MTRF1: variants seen among roughly 807,000 people sequenced by gnomAD.
MTRF1 encodes the protein mitochondrial translation release factor 1, also known as peptide chain release factor 1, mitochondrial.
Under a neutral mutation model 62.9 loss-of-function variants are expected in MTRF1, and 51 were observed. The observed-to-expected ratio is 0.81, with a 90% CI of 0.65 to 1.02. The LOEUF (loss-of-function observed/expected upper bound fraction) is 1.02. MTRF1 is among the 50% of genes least tolerant of loss of function. The probability of loss-of-function intolerance (pLI) is 0.00; values close to 1 mark genes in which losing one functional copy is unlikely to be tolerated. For missense variants in MTRF1, 446 were observed against 530.0 expected, an observed-to-expected ratio of 0.84 and a Z score of 1.56; for synonymous variants, 158 against 181.9, an observed-to-expected ratio of 0.87 and a Z score of 1.06.
chr13:41,226,313 G>A, intron 8 of MTRF1, 119 bp downstream of exon 8: 2 of 1,033,648 alleles, frequency 1.9e-6, no homozygotes, highest in South Asian at 1.6e-5. Context: ...ATTTACAAAG[G>A]AGCACATTTC....
chr13:41,297,746 T>G, the MTRF1 span, among the ~76,000 whole-genome samples: 1 of 152,150 alleles, frequency 6.6e-6, no homozygotes, highest in South Asian at 2.1e-4. Context: ...CAGCTAATTT[T>G]TTTTATTTTT....
At chr13:41,280,773 C>G in the MTRF1 span, among the ~76,000 whole-genome samples, 1 of 152,164 alleles carries the variant, frequency 6.6e-6, no homozygotes, top group Non-Finnish European at 1.5e-5. Flanking sequence ...CAGAGCTTGA[C>G]TCTTTTTATT....
rs752268984 is a variant in MTRF1, at chr13:41,233,914, C to A, written c.964G>T (p.Val322Phe). The A allele has an allele frequency of 1.9e-6, 3 of 1,613,900 alleles. No homozygotes were observed. The highest frequency in any genetic ancestry group is 2.5e-6 in the Non-Finnish European group (3 of 1,179,792). ...CCTGTGGGGATGTGGACAAGTCTGA[C>A]GGCACTATCAGTTTTATTAACATGC... ...GQHVNKTDSA[V>F]RLVHIPTGLV... is the part of the protein sequence containing the mutation. The change falls in exon 7 of 10, where the codon GTC becomes TTC. Residue 322 changes from valine (V) to phenylalanine (F), a missense_variant. Coordinates refer to ENST00000379480, the MANE Select transcript of MTRF1 (RefSeq NM_004294.4).
the MTRF1 span, among the ~76,000 whole-genome samples, chr13:41,305,573 T>C: frequency 2.0e-5 from 3 of 152,340 alleles, no homozygotes; most frequent in South Asian, 6.2e-4. Flanking sequence ...GCCACGTCCT[T>C]TAACCAGAGA....
intron 3 of MTRF1, among the ~76,000 whole-genome samples, chr13:41,253,434 T>C (rs9532755): frequency 0.72 from 108,858 of 152,068 alleles, 39,264 homozygotes; most frequent in African/African-American, 0.74. Context: ...CATATTATCT[T>C]CTGCTATAAC....
intron 7 of MTRF1, among the ~76,000 whole-genome samples, chr13:41,228,415 A>G (rs114964597): frequency 0.025 from 3,835 of 152,212 alleles, 175 homozygotes; most frequent in African/African-American, 0.086. Flanking sequence ...TAAAAATACA[A>G]AAACTAGCCA....
chr13:41,248,707 C>G (rs1326671400), intron 5 of MTRF1, among the ~76,000 whole-genome samples: 1 of 152,130 alleles, frequency 6.6e-6, no homozygotes. Flanking sequence ...ATTACATTAC[C>G]GTAAGTCACC....
the MTRF1 span, among the ~76,000 whole-genome samples, chr13:41,276,957 A>AT: frequency 6.6e-6 from 1 of 152,002 alleles, no homozygotes; most frequent in East Asian, 1.9e-4. Context: ...TCAACTCCCT[A>AT]TGATTTCATC....
chr13:41,259,661 C>A (rs2040166484), intron 2 of MTRF1, among the ~76,000 whole-genome samples: 1 of 121,496 alleles, frequency 8.2e-6, no homozygotes, highest in Non-Finnish European at 1.7e-5. Flanking sequence ...GAGATCCCGC[C>A]ACTGCACTCC....
At chr13:41,307,628 A>G in the MTRF1 span, among the ~76,000 whole-genome samples, 1 of 151,592 alleles carries the variant, frequency 6.6e-6, no homozygotes, top group Non-Finnish European at 1.5e-5. Flanking sequence ...AAAAAAAAAA[A>G]GTGTGTAGCA....
At chr13:41,243,202 G>A (rs2037766729) in intron 5 of MTRF1, among the ~76,000 whole-genome samples, 1 of 151,934 alleles carries the variant, frequency 6.6e-6, no homozygotes, top group African/African-American at 2.4e-5. Flanking sequence ...CTGGATGACA[G>A]AGCAAGACTC....
intron 7 of MTRF1, among the ~76,000 whole-genome samples, chr13:41,228,401 C>T (rs1464015727): frequency 6.6e-6 from 1 of 152,084 alleles, no homozygotes; most frequent in East Asian, 1.9e-4. Context: ...GATTTCGTCT[C>T]TACTAAAAAT....
intron 6 of MTRF1, among the ~76,000 whole-genome samples, chr13:41,239,700 G>A (rs1194552162): frequency 1.3e-5 from 2 of 152,106 alleles, no homozygotes; most frequent in Non-Finnish European, 2.9e-5. Flanking sequence ...TCTTTCTTAA[G>A]ATAAAATTTA....
chr13:41,220,205 C>CTGTAATCCCA (rs2032980194), intron 9 of MTRF1, among the ~76,000 whole-genome samples: 1 of 150,684 alleles, frequency 6.6e-6, no homozygotes, highest in South Asian at 2.1e-4. Context: ...TGGTACACAC[C>CTGTAATCCCA]TGTAATCCCA....
chr13:41,241,243 A>G (rs183167154), intron 5 of MTRF1, among the ~76,000 whole-genome samples: 1 of 152,156 alleles, frequency 6.6e-6, no homozygotes, highest in African/African-American at 2.4e-5. Context: ...GCGGGGTTTC[A>G]CTATGTTGGC....
At chr13:41,236,065 A>C (rs780337743) in intron 6 of MTRF1, 2 of 150,210 alleles carry the variant, frequency 1.3e-5, no homozygotes, top group African/African-American at 4.9e-5. Flanking sequence ...AGACACACGC[A>C]CACACACACA....
chr13:41,217,582 T>C (rs986728628), intron 9 of MTRF1, among the ~76,000 whole-genome samples: 4 of 152,172 alleles, frequency 2.6e-5, no homozygotes, highest in Non-Finnish European at 5.9e-5. Flanking sequence ...AAACCATCTT[T>C]AGGAGAACGG....
intron 5 of MTRF1, among the ~76,000 whole-genome samples, chr13:41,248,314 GT>G (rs1484035699): frequency 6.6e-6 from 1 of 152,202 alleles, no homozygotes; most frequent in African/African-American, 2.4e-5. Context: ...TAGAAACGGG[GT>G]TTTGCCATGT....
chr13:41,274,140 T>C, the MTRF1 span, among the ~76,000 whole-genome samples: 1 of 152,234 alleles, frequency 6.6e-6, no homozygotes, highest in African/African-American at 2.4e-5. Context: ...AGATTTATTT[T>C]ACTTTCACAG....
Sources: allele counts gnomAD v4.1 joint callset (sites outside exome capture counted in the v4.1 genomes callset), GRCh38; gene constraint gnomAD v4.1.1; transcripts MANE v1.5; gene names NCBI Gene and HGNC (gene_info 2026-07-23, HGNC 2026-07-21).